EFCAB8: variants seen among roughly 807,000 people sequenced by gnomAD.
The protein encoded by EFCAB8 is EF-hand calcium-binding domain-containing protein 8.
EFCAB8 carries 100 observed loss-of-function variants against 116.3 expected under a neutral mutation model. The observed-to-expected ratio is 0.86, with a 90% confidence interval of 0.73 to 1.02. EFCAB8 has a LOEUF of 1.02. Ranked by LOEUF, EFCAB8 falls within the 50% of genes least tolerant of loss-of-function variation. The probability of loss-of-function intolerance (pLI) is 0.00; values close to 1 mark genes in which losing one functional copy is unlikely to be tolerated. For missense variants in EFCAB8, 1,320 were observed against 1,416.9 expected, an observed-to-expected ratio of 0.93 and a Z score of 1.10; for synonymous variants, 558 against 567.9, an observed-to-expected ratio of 0.98 and a Z score of 0.25.
intron 20 of EFCAB8, among the ~76,000 whole-genome samples, chr20:32,929,714 C>G (rs1437720318): frequency 6.6e-6 from 1 of 152,062 alleles, no homozygotes; most frequent in African/African-American, 2.4e-5. Context: ...AAGTTCTGAG[C>G]AGGAGTGAGG....
intron 23 of EFCAB8, among the ~76,000 whole-genome samples, chr20:32,948,453 G>C (rs1451712662): frequency 2.7e-5 from 4 of 149,936 alleles, no homozygotes; most frequent in Non-Finnish European, 5.9e-5. Context: ...GTTGAAAAGG[G>C]TACAATACTT....
intron 9 of EFCAB8, among the ~76,000 whole-genome samples, chr20:32,894,752 C>T (rs1008473845): frequency 4.6e-5 from 7 of 152,240 alleles, no homozygotes; most frequent in African/African-American, 1.7e-4. Flanking sequence ...AAACGTGGAA[C>T]GTTAGGCACC....
rs1268905722 is a variant in EFCAB8 at position 32,875,969 on chromosome 20, G to A, written c.252G>A (p.Leu84=). The A allele has an allele frequency of 6.4e-7, 1 of 1,552,102 alleles. No homozygotes were observed. Among genetic ancestry groups the A allele is most frequent in the Admixed American group, 2.0e-5 (1 of 50,996 alleles). ...DAFIKAMKKV[L]SSVSDEMLKE... The stretch of plus-strand genomic sequence containing the variant: ...TCATCAAGGCCATGAAGAAGGTTCT[G>A]AGCAGTGTGTCGGACGAGATGCTAA... Residue 84 remains leucine (L), a synonymous_variant, in exon 4 of 27, where the codon CTG becomes CTA. Transcript: ENST00000400522.
At chr20:32,878,446 C>G (rs1985107286) in intron 4 of EFCAB8, among the ~76,000 whole-genome samples, 1 of 151,758 alleles carries the variant, frequency 6.6e-6, no homozygotes, top group African/African-American at 2.4e-5. Flanking sequence ...CCACCAGAGC[C>G]TATCGGAAGG....
At chr20:32,878,087 G>A (rs572216355) in intron 4 of EFCAB8, among the ~76,000 whole-genome samples, 13 of 152,182 alleles carry the variant, frequency 8.5e-5, no homozygotes, top group South Asian at 4.1e-4. Flanking sequence ...GCAACATGGC[G>A]AAACCCCATC....
chr20:32,866,917 G>A (rs534079908), intron 2 of EFCAB8, among the ~76,000 whole-genome samples: 3 of 110,260 alleles, frequency 2.7e-5, no homozygotes, highest in African/African-American at 7.0e-5. Flanking sequence ...TCTTTCTTTC[G>A]TTTCTTTCGT....
At chr20:32,948,422 C>T (rs1445509846) in intron 23 of EFCAB8, among the ~76,000 whole-genome samples, 1 of 151,850 alleles carries the variant, frequency 6.6e-6, no homozygotes, top group Non-Finnish European at 1.5e-5. Flanking sequence ...AATATAAATT[C>T]TACAGAAACT....
intron 23 of EFCAB8, among the ~76,000 whole-genome samples, chr20:32,950,639 T>C (rs372965478): frequency 2.0e-5 from 3 of 152,208 alleles, no homozygotes; most frequent in African/African-American, 4.8e-5. Flanking sequence ...CCCATACATC[T>C]TTCTGCAGCT....
chr20:32,912,907 G>A (rs371942920), intron 17 of EFCAB8, 43 bp downstream of exon 17: 53 of 713,298 alleles, frequency 7.4e-5, no homozygotes, highest in Admixed American at 1.0e-4. Flanking sequence ...CAGTAGCTGC[G>A]TGTTCTCTCT....
At position 32,918,422 on chromosome 20, in the gene EFCAB8, C is replaced by A. The variant is rs1484316968; in HGVS notation, c.2122C>A (p.Arg708=). The change falls in exon 19 of 27, where the codon CGG becomes AGG. Residue 708 remains arginine, a synonymous_variant. Transcript: ENST00000400522. Reference sequence around the variant, plus strand: ...CAGGCCCAGCAGACCCTATGTGGAGCGGGAGAAGTGGACATACAAGACCTC... The same window carrying A: ...CAGGCCCAGCAGACCCTATGTGGAGAGGGAGAAGTGGACATACAAGACCTC... ...SHRPSRPYVE[R]EKWTYKTSRK... 2 of 1,551,694 alleles carry A rather than the reference C, an allele frequency of 1.3e-6. No individual in the cohort carries two copies. The highest frequency in any genetic ancestry group is 1.4e-5 in the African/African-American group (1 of 73,160).
chr20:32,917,365 C>G lies in EFCAB8; in HGVS notation c.1921C>G (p.Leu641Val). Residue 641 changes from leucine (L) to valine (V), a missense_variant, in exon 18 of 27, where the codon CTG becomes GTG. By Grantham distance (32) the Leu-to-Val change is conservative. Coordinates refer to ENST00000400522, the MANE Select transcript of EFCAB8 (RefSeq NM_001143967.2). ...GCAGACCTACCACACGGAGGACATC[C>G]TGAGCATGGCCAAGTACCGGAACCA... The part of the protein sequence containing the change: ...HWQTYHTEDI[L>V]SMAKYRNQFL... 1 of 1,551,822 alleles carries G rather than the reference C, an allele frequency of 6.4e-7. No homozygotes were observed. Among genetic ancestry groups the G allele is most frequent in the Non-Finnish European group, 8.7e-7 (1 of 1,146,998 alleles).
Position 32,908,390 on chromosome 20 carries a change from C to CTG in EFCAB8, c.1424_1425insTG (p.Leu476AlafsTer12), listed in dbSNP as rs1986776589. The CTG allele has an allele frequency of 8.0e-7, 1 of 1,249,976 alleles. No homozygotes were observed. The highest frequency in any genetic ancestry group is 3.2e-5 in the East Asian group (1 of 31,704). 77.4% of individuals were successfully genotyped at this position (1,249,976 alleles called of 1,614,324 possible). A position where few individuals can be genotyped will look rare whatever the true frequency, so the allele number is the denominator to read the frequency against. On this transcript the variant is annotated frameshift_variant, in exon 14 of 27. Transcript: ENST00000400522. LOFTEE classifies it high-confidence loss of function. ...GCCTACTTCTTCGAGAAGGACAATA[C>CTG]CCTCATCTGCAGCACCTACTCAGTG...
intron 19 of EFCAB8, 110 bp from the exon 20 acceptor site, chr20:32,919,968 C>T (rs1307192121): frequency 7.2e-7 from 1 of 1,393,852 alleles, no homozygotes; most frequent in Non-Finnish European, 9.9e-7. Context: ...AGTGTACCTA[C>T]TGCGGGGGCT....
chr20:32,948,608 CAATT>C (rs1372442602), intron 23 of EFCAB8, among the ~76,000 whole-genome samples: 1 of 151,844 alleles, frequency 6.6e-6, no homozygotes, highest in Non-Finnish European at 1.5e-5. Context: ...AGCAAACTAT[CAATT>C]AATATCCCTC....
intron 17 of EFCAB8, among the ~76,000 whole-genome samples, chr20:32,915,383 T>C (rs997190193): frequency 3.9e-5 from 6 of 152,360 alleles, no homozygotes; most frequent in African/African-American, 1.2e-4. Context: ...AACACAAATA[T>C]AATTCAGCAA....
chr20:32,954,354 C>T (rs569634028), intron 23 of EFCAB8, among the ~76,000 whole-genome samples: 23 of 152,212 alleles, frequency 1.5e-4, no homozygotes, highest in Non-Finnish European at 2.2e-4. Flanking sequence ...TGTGGCAATT[C>T]GGTTTTCCCA....
chr20:32,874,930 G>A (rs1168757794), intron 3 of EFCAB8, among the ~76,000 whole-genome samples: 2 of 152,016 alleles, frequency 1.3e-5, no homozygotes, highest in African/African-American at 2.4e-5. Flanking sequence ...GTATTTTTTA[G>A]TAGAGGCAGG....
At chr20:32,929,470 C>T (rs146578028) in intron 20 of EFCAB8, among the ~76,000 whole-genome samples, 2,065 of 146,470 alleles carry the variant, frequency 0.014, 36 homozygotes, top group Non-Finnish European at 0.023. Context: ...CCCTCCCCTC[C>T]CCTCCCCTCC....
At chr20:32,922,029 A>G (rs914333962) in intron 20 of EFCAB8, among the ~76,000 whole-genome samples, 2 of 152,026 alleles carry the variant, frequency 1.3e-5, no homozygotes, top group African/African-American at 4.8e-5. Flanking sequence ...GGGTTTCACC[A>G]TGTTGGCCAG....
Sources: gnomAD v4.1 joint callset for allele counts (sites outside exome capture counted in the v4.1 genomes callset) on GRCh38, gnomAD v4.1.1 for gene constraint, MANE v1.5 for transcripts, NCBI Gene and HGNC (gene_info 2026-07-23, HGNC 2026-07-21) for gene names.